The following EPHA4 variants were observed in gnomAD, a reference collection of about 807,000 sequenced individuals.
EPHA4 encodes EPH receptor A4, also known as ephrin type-A receptor 4.
A neutral mutation model predicts 108.3 loss-of-function variants in EPHA4; 19 were observed. That is an observed-to-expected ratio of 0.18 (90% CI 0.12 to 0.26). The LOEUF (loss-of-function observed/expected upper bound fraction) is 0.26. EPHA4 is among the 10% of genes least tolerant of loss of function. The pLI is 1.00. For synonymous variants in EPHA4, 449 were observed against 455.5 expected (o/e 0.99, Z 0.18); for missense variants, 917 against 1,254.0 (o/e 0.73, Z 4.06).
chr2:221,457,779 A>T, intron 6 of EPHA4, 87 bp downstream of exon 6: 1 of 1,395,368 alleles, frequency 7.2e-7, no homozygotes, highest in Non-Finnish European at 9.8e-7. Context: ...AGAGGGAGGG[A>T]GGGAGGGAAG....
intron 5 of EPHA4, among the ~76,000 whole-genome samples, chr2:221,464,676 A>G (rs1362276466): frequency 6.6e-6 from 1 of 152,220 alleles, no homozygotes; most frequent in Non-Finnish European, 1.5e-5. Context: ...TCGACCAGCC[A>G]GGTCAACTCC....
chr2:221,530,229 T>C (rs955513062), intron 3 of EPHA4, among the ~76,000 whole-genome samples: 3 of 152,180 alleles, frequency 2.0e-5, no homozygotes, highest in South Asian at 2.1e-4. Flanking sequence ...ATGTAATTTC[T>C]TTCCTTATTG....
intron 3 of EPHA4, among the ~76,000 whole-genome samples, chr2:221,520,437 ATATATT>A (rs1166820584): frequency 6.6e-6 from 1 of 152,084 alleles, no homozygotes; most frequent in Non-Finnish European, 1.5e-5. Flanking sequence ...GTCTTTGAAC[ATATATT>A]TATTTACTTT....
chr2:221,526,578 G>A (rs1693330187), intron 3 of EPHA4, among the ~76,000 whole-genome samples: 1 of 151,426 alleles, frequency 6.6e-6, no homozygotes, highest in South Asian at 2.1e-4. Context: ...TGGGTGCAGC[G>A]GTTCACGCCT....
chr2:221,556,295 A>ACTTT (rs908858444), intron 3 of EPHA4, among the ~76,000 whole-genome samples: 1 of 151,968 alleles, frequency 6.6e-6, no homozygotes, highest in African/African-American at 2.4e-5. Flanking sequence ...TTGTTTTACT[A>ACTTT]CTTTCTTTCT....
At chr2:221,528,232 T>A (rs1559280486) in intron 3 of EPHA4, among the ~76,000 whole-genome samples, 1 of 152,188 alleles carries the variant, frequency 6.6e-6, no homozygotes, top group Non-Finnish European at 1.5e-5. Flanking sequence ...GAGAATGTAC[T>A]CATTGAGTAA....
intron 11 of EPHA4, among the ~76,000 whole-genome samples, chr2:221,442,081 G>A (rs776290665): frequency 4.3e-4 from 65 of 152,210 alleles, no homozygotes; most frequent in Non-Finnish European, 7.1e-4. Context: ...CACAGCCCCA[G>A]GCTTATGAGA....
At chr2:221,434,074 T>G in intron 14 of EPHA4, 68 bp downstream of exon 14, 1 of 1,532,484 alleles carries the variant, frequency 6.5e-7, no homozygotes, top group Non-Finnish European at 8.8e-7. Flanking sequence ...GCCCACTCCA[T>G]CATACAGTAA....
chr2:221,524,457 G>A (rs1290455527), intron 3 of EPHA4, among the ~76,000 whole-genome samples: 1 of 152,220 alleles, frequency 6.6e-6, no homozygotes, highest in Admixed American at 6.5e-5. Flanking sequence ...GTAGGCAGTG[G>A]TTGGTCCATG....
intron 3 of EPHA4, among the ~76,000 whole-genome samples, chr2:221,541,453 C>T (rs963302100): frequency 6.6e-6 from 1 of 152,104 alleles, no homozygotes; most frequent in Admixed American, 6.6e-5. Context: ...AAGGGAATGG[C>T]AAGAGCTCAT....
intron 5 of EPHA4, among the ~76,000 whole-genome samples, chr2:221,479,297 C>T (rs921671417): frequency 6.6e-6 from 1 of 152,196 alleles, no homozygotes; most frequent in African/African-American, 2.4e-5. Flanking sequence ...TGGAGCTGCT[C>T]CTCAACTCTT....
In EPHA4 at chr2:221,501,190, A is replaced by G; in HGVS notation, c.824-18T>C. On this transcript the variant is annotated intron_variant, in intron 3 of 17. Coordinates refer to ENST00000281821, the MANE Select transcript of EPHA4 (RefSeq NM_004438.5). Reference sequence around the variant, plus strand: ...TTTGCAAGCTGCAGGGAAGAAGAAAAAAACAAACAAATAGAAACCACTGCA... The same window carrying G: ...TTTGCAAGCTGCAGGGAAGAAGAAAGAAACAAACAAATAGAAACCACTGCA... 1 of 1,553,524 alleles carries G rather than the reference A, an allele frequency of 6.4e-7. No homozygotes were observed.
intron 3 of EPHA4, among the ~76,000 whole-genome samples, chr2:221,504,288 A>T (rs1692567467): frequency 6.6e-6 from 1 of 152,142 alleles, no homozygotes; most frequent in African/African-American, 2.4e-5. Flanking sequence ...CTTTGCATTC[A>T]ATTCCTTTAG....
At position 221,425,936 on chromosome 2, in the gene EPHA4, C is replaced by T. The variant is rs776077919; in HGVS notation, c.*92G>A. 119 of 1,017,376 alleles carry T rather than the reference C, an allele frequency of 1.2e-4. 1 individual carries two copies. The highest frequency in any genetic ancestry group is 1.4e-4 in the Non-Finnish European group (94 of 658,176). 63.0% of individuals were successfully genotyped at this position (1,017,376 alleles called of 1,614,324 possible). On this transcript the variant is annotated 3_prime_UTR_variant, in exon 17 of 18. Transcript: ENST00000281821. ...TTTTCATTTCTTTAATTTCAGAGGG[C>T]GAAGACGAAGTAAAAAAAGTGCAGT...
chr2:221,455,473 G>C, intron 8 of EPHA4, 74 bp downstream of exon 8: 2 of 1,151,914 alleles, frequency 1.7e-6, no homozygotes, highest in Non-Finnish European at 2.6e-6. Context: ...CCTTAGCTTT[G>C]TGTGGAAGAG....
chr2:221,471,862 G>C lies in EPHA4; in HGVS notation c.1318+10490C>G, dbSNP rs73087981. Reference sequence around the variant, plus strand: ...TAAGGCTCTGCTAGTTGTTCTCCTTGCTTCTAATATAAAACAAAACAATAA... The same window carrying C: ...TAAGGCTCTGCTAGTTGTTCTCCTTCCTTCTAATATAAAACAAAACAATAA... On this transcript the variant is annotated intron_variant, in intron 5 of 17. Coordinates refer to ENST00000281821, the MANE Select transcript of EPHA4 (RefSeq NM_004438.5). 3.8e-3 allele frequency among the ~76,000 whole-genome samples: 582 copies of C among 152,156 alleles called. 5 individuals carry two copies. Among genetic ancestry groups the C allele is most frequent in the South Asian group, 0.014 (67 of 4,808 alleles).
chr2:221,458,996 TA>T lies in EPHA4; in HGVS notation c.1319-1007del, dbSNP rs1450159232. 5.3e-5 allele frequency among the ~76,000 whole-genome samples: 8 copies of T among 152,100 alleles called. 1 individual carries two copies. Among genetic ancestry groups the T allele is most frequent in the Non-Finnish European group, 7.4e-5 (5 of 68,002 alleles). On this transcript the variant is annotated intron_variant, in intron 5 of 17. Transcript: ENST00000281821. ...TCAAAAACTGGCCACTGAGGAAGGATAAATTAGTGCTGGGTCATCCTCCTGC... is the reference window on the plus strand; with the variant it reads ...TCAAAAACTGGCCACTGAGGAAGGATAATTAGTGCTGGGTCATCCTCCTGC...
intron 11 of EPHA4, 24 bp from the exon 12 acceptor site, chr2:221,437,146 A>G: frequency 6.3e-7 from 1 of 1,583,262 alleles, no homozygotes; most frequent in Non-Finnish European, 8.7e-7. Flanking sequence ...AAAGAAAAAC[A>G]CAAACCTTTG....
At chr2:221,468,080 G>T (rs1691366750) in intron 5 of EPHA4, among the ~76,000 whole-genome samples, 1 of 152,048 alleles carries the variant, frequency 6.6e-6, no homozygotes, top group Admixed American at 6.6e-5. Context: ...TTCTCACTGG[G>T]CCTAAAAGTA....
Sources: gnomAD v4.1 joint callset for allele counts (sites outside exome capture counted in the v4.1 genomes callset) on GRCh38, gnomAD v4.1.1 for gene constraint, MANE v1.5 for transcripts, NCBI Gene and HGNC (gene_info 2026-07-23, HGNC 2026-07-21) for gene names.